The following VPS13B variants were observed in gnomAD, a reference collection of about 807,000 sequenced individuals.
The protein encoded by VPS13B is intermembrane lipid transfer protein VPS13B.
A neutral mutation model predicts 426.4 loss-of-function variants in VPS13B; 285 were observed. The ratio of observed to expected loss-of-function variants is 0.67; its 90% CI spans 0.61 to 0.74. The LOEUF (loss-of-function observed/expected upper bound fraction) is 0.74. Ranked by LOEUF, VPS13B falls within the 30% of genes least tolerant of loss-of-function variation. VPS13B has a pLI of 0.00. For missense variants in VPS13B, 4,537 were observed against 4,782.6 expected (o/e 0.95, Z 1.51); for synonymous variants, 1,676 against 1,676.4 (o/e 1.00, Z 0.01).
chr8:99,537,721 C>A (rs574824110), intron 30 of VPS13B, among the ~76,000 whole-genome samples: 113 of 152,158 alleles, frequency 7.4e-4, no homozygotes, highest in Middle Eastern at 3.4e-3. Flanking sequence ...AAGGAAGCAC[C>A]AGGCCAAAAT....
intron 42 of VPS13B, among the ~76,000 whole-genome samples, chr8:99,783,408 A>G (rs556057631): frequency 1.2e-4 from 19 of 152,312 alleles, no homozygotes; most frequent in African/African-American, 4.3e-4. Flanking sequence ...TCTCAAGTTA[A>G]TCATTTATTT....
chr8:99,032,261 G>A (rs766674031), intron 2 of VPS13B, among the ~76,000 whole-genome samples: 6 of 152,094 alleles, frequency 3.9e-5, no homozygotes, highest in Non-Finnish European at 8.8e-5. Flanking sequence ...AACTCAAACT[G>A]CTCTATTTGT....
In VPS13B at chr8:99,853,690, A is replaced by T; in HGVS notation, c.10301A>T (p.Tyr3434Phe). ...CGDLQLDNQL[Y>F]NKSNFHFAVL... ...GACCTGCAGCTAGACAACCAGCTTT[A>T]TAACAAGTCCAATTTCCACTTTGCT... Residue 3434 changes from tyrosine (Y) to phenylalanine (F), a missense_variant, in exon 56 of 62, where the codon TAT becomes TTT. Coordinates refer to ENST00000357162, the MANE Select transcript of VPS13B (RefSeq NM_152564.5). The T allele has an allele frequency of 6.2e-7, 1 of 1,614,264 alleles. No homozygotes were observed. Among genetic ancestry groups the T allele is most frequent in the Non-Finnish European group, 8.5e-7 (1 of 1,180,050 alleles).
chr8:99,472,345 T>A (rs1819457988), intron 24 of VPS13B, among the ~76,000 whole-genome samples: 1 of 151,956 alleles, frequency 6.6e-6, no homozygotes, highest in African/African-American at 2.4e-5. Context: ...TTTAAGAGGA[T>A]CAAAAATCAC....
At position 99,513,234 on chromosome 8, in the gene VPS13B, A is replaced by G. The variant is rs192888816; in HGVS notation, c.4633+1722A>G. ...TTTCTAACTTGAGTTCCTGTATTTC[A>G]TTTAAAATATGTTAGTAGGCTTTTA... On this transcript the variant is annotated intron_variant, in intron 29 of 61. Coordinates refer to ENST00000357162, the MANE Select transcript of VPS13B (RefSeq NM_152564.5). Among the ~76,000 whole-genome samples the G allele has an allele frequency of 1.3e-5, 2 of 152,028 alleles. 1 individual carries two copies. The highest frequency in any genetic ancestry group is 1.3e-4 in the Admixed American group (2 of 15,264).
chr8:99,163,995 G>T (rs1039694547), intron 15 of VPS13B, among the ~76,000 whole-genome samples: 11 of 152,218 alleles, frequency 7.2e-5, no homozygotes, highest in African/African-American at 2.7e-4. Flanking sequence ...CCCAATTGCT[G>T]TTGGGAATTT....
At chr8:99,532,018 G>A (rs1026717239) in intron 30 of VPS13B, among the ~76,000 whole-genome samples, 2 of 151,990 alleles carry the variant, frequency 1.3e-5, no homozygotes, top group Admixed American at 6.5e-5. Flanking sequence ...TTTTTACTTC[G>A]GAGGTATTTT....
intron 22 of VPS13B, 48 bp from the exon 23 acceptor site, chr8:99,442,353 G>T (rs1011627883): frequency 6.6e-7 from 1 of 1,514,944 alleles, no homozygotes; most frequent in African/African-American, 1.4e-5. Flanking sequence ...GTGTTTGAAG[G>T]CATATTTAGT....
intron 21 of VPS13B, among the ~76,000 whole-genome samples, chr8:99,414,072 G>A (rs2133365223): frequency 6.6e-6 from 1 of 152,268 alleles, no homozygotes; most frequent in Admixed American, 6.5e-5. Context: ...AAGTCTCTTT[G>A]TATGTCTCTA....
At chr8:99,020,962 A>T (rs1841854102) in intron 2 of VPS13B, among the ~76,000 whole-genome samples, 1 of 152,244 alleles carries the variant, frequency 6.6e-6, no homozygotes, top group Non-Finnish European at 1.5e-5. Flanking sequence ...TAAACTGCTG[A>T]TTTAATTTAA....
At chr8:99,090,102 A>G (rs1001045702) in intron 3 of VPS13B, among the ~76,000 whole-genome samples, 103 of 152,074 alleles carry the variant, frequency 6.8e-4, no homozygotes, top group African/African-American at 2.4e-3. Flanking sequence ...TGGAATGCCT[A>G]TGGCTTGAGC....
intron 16 of VPS13B, among the ~76,000 whole-genome samples, chr8:99,187,704 C>T (rs1453037784): frequency 6.6e-6 from 1 of 152,166 alleles, no homozygotes; most frequent in Non-Finnish European, 1.5e-5. Context: ...TGCAGTGACT[C>T]ATGCCTGTAA....
chr8:99,498,404 A>G (rs971801151), intron 25 of VPS13B, among the ~76,000 whole-genome samples: 4 of 150,958 alleles, frequency 2.6e-5, no homozygotes, highest in African/African-American at 9.8e-5. Context: ...GGAAAGCATT[A>G]GGAGATATAC....
intron 30 of VPS13B, among the ~76,000 whole-genome samples, chr8:99,545,529 A>G (rs560916331): frequency 6.6e-6 from 1 of 152,266 alleles, no homozygotes; most frequent in African/African-American, 2.4e-5. Flanking sequence ...TACAGCTGGT[A>G]GCTATTGGGC....
intron 19 of VPS13B, among the ~76,000 whole-genome samples, chr8:99,300,880 GTTT>G (rs34461801): frequency 1.6e-5 from 2 of 123,760 alleles, no homozygotes; most frequent in Non-Finnish European, 3.4e-5. Context: ...ATTTAATATA[GTTT>G]TTTTTTTTTT....
chr8:99,515,426 C>CCTGCTGCTG (rs1396088910), intron 29 of VPS13B, among the ~76,000 whole-genome samples: 4 of 150,930 alleles, frequency 2.7e-5, no homozygotes, highest in African/African-American at 4.9e-5. Flanking sequence ...TCCTCCTCCT[C>CCTGCTGCTG]CTGCTGCTGC....
chr8:99,434,739 A>G (rs946177233), intron 22 of VPS13B, among the ~76,000 whole-genome samples: 2 of 152,176 alleles, frequency 1.3e-5, no homozygotes, highest in African/African-American at 4.8e-5. Context: ...GGGGGAAGAA[A>G]GTATGGCTTG....
intron 17 of VPS13B, among the ~76,000 whole-genome samples, chr8:99,248,586 A>G (rs1438323282): frequency 6.6e-6 from 1 of 152,210 alleles, no homozygotes; most frequent in Non-Finnish European, 1.5e-5. Context: ...CTAGATATAC[A>G]AGCCCCTATA....
At chr8:99,504,348 C>T (rs1821389144) in intron 27 of VPS13B, among the ~76,000 whole-genome samples, 1 of 152,196 alleles carries the variant, frequency 6.6e-6, no homozygotes, top group African/African-American at 2.4e-5. Flanking sequence ...TTATAAATTA[C>T]CCAGTCTCAG....
Sources: allele counts gnomAD v4.1 joint callset (sites outside exome capture counted in the v4.1 genomes callset), GRCh38; gene constraint gnomAD v4.1.1; transcripts MANE v1.5; gene names NCBI Gene and HGNC (gene_info 2026-07-23, HGNC 2026-07-21).